AKAP1: variants seen among roughly 807,000 people sequenced by gnomAD.
The protein encoded by AKAP1 is A-kinase anchoring protein 1, also known as A-kinase anchor protein 1, mitochondrial.
Under a neutral mutation model 79.8 loss-of-function variants are expected in AKAP1, and 32 were observed. The observed-to-expected ratio is 0.40, with a 90% CI of 0.30 to 0.54. AKAP1 has a LOEUF of 0.54. Among genes scored for constraint, AKAP1 ranks in the 20% least tolerant of loss-of-function variants. The pLI is 0.47. For synonymous variants in AKAP1, 416 were observed against 466.7 expected (o/e 0.89, Z 1.40); for missense variants, 961 against 1,138.9 (o/e 0.84, Z 2.25).
chr17:57,104,052 T>G (rs1332880992), intron 1 of AKAP1, among the ~76,000 whole-genome samples: 1 of 152,026 alleles, frequency 6.6e-6, no homozygotes, highest in Admixed American at 6.6e-5. Flanking sequence ...TCCACCCCCC[T>G]GGATTCAAGC....
At chr17:57,105,113 CT>C (rs899994332) in intron 1 of AKAP1, among the ~76,000 whole-genome samples, 14 of 152,170 alleles carry the variant, frequency 9.2e-5, no homozygotes, top group African/African-American at 2.9e-4. Flanking sequence ...GAGCTAGCCC[CT>C]TTTTGGGGAA....
chr17:57,108,228 A>G (rs1033327172), intron 2 of AKAP1, among the ~76,000 whole-genome samples: 1 of 152,074 alleles, frequency 6.6e-6, no homozygotes, highest in Admixed American at 6.5e-5. Context: ...TTTCAGCAGC[A>G]TCTAGTTTGT....
intron 1 of AKAP1, among the ~76,000 whole-genome samples, chr17:57,087,403 A>G (rs768999578): frequency 1.5e-4 from 23 of 152,336 alleles, no homozygotes; most frequent in South Asian, 1.2e-3. Flanking sequence ...GCTGAAGTCG[A>G]TATGTCTCCA....
chr17:57,104,050 C>G (rs530624612), intron 1 of AKAP1, among the ~76,000 whole-genome samples: 2 of 151,906 alleles, frequency 1.3e-5, no homozygotes, highest in African/African-American at 4.8e-5. Context: ...CCTCCACCCC[C>G]CTGGATTCAA....
chr17:57,087,838 CT>C (rs1428072471), intron 1 of AKAP1, among the ~76,000 whole-genome samples: 3 of 152,214 alleles, frequency 2.0e-5, no homozygotes, highest in African/African-American at 7.2e-5. Context: ...CATTTCAGGG[CT>C]TTGAAGAGCA....
At chr17:57,101,173 T>C (rs1914483893) in intron 1 of AKAP1, among the ~76,000 whole-genome samples, 1 of 152,224 alleles carries the variant, frequency 6.6e-6, no homozygotes. Flanking sequence ...TTACCACTTT[T>C]TTGGGTGTGG....
Position 57,116,136 on chromosome 17 carries a change from T to C in AKAP1, c.2307T>C (p.Gly769=). 2 of 1,613,716 alleles carry C rather than the reference T, an allele frequency of 1.2e-6. No individual in the cohort carries two copies. Among genetic ancestry groups the C allele is most frequent in the Non-Finnish European group, 1.7e-6 (2 of 1,180,008 alleles). ...VEITVICAAP[G]ADGAWWRAQV... is the part of the protein sequence containing the mutation. ...TAACGGTCATCTGTGCCGCCCCTGG[T>C]GCGGACGGGGCCTGGTGGCGAGCCC... Residue 769 remains glycine, a synonymous_variant, in exon 7 of 11, where the codon GGT becomes GGC. Coordinates refer to ENST00000337714, the MANE Select transcript of AKAP1 (RefSeq NM_003488.4).
chr17:57,106,559 C>T lies in AKAP1; in HGVS notation c.1095C>T (p.Ala365=), dbSNP rs748563800. The T allele has an allele frequency of 6.2e-7, 1 of 1,614,188 alleles. No homozygotes were observed. The highest frequency in any genetic ancestry group is 8.5e-7 in the Non-Finnish European group (1 of 1,180,034). The part of the protein sequence containing the change: ...VISEATEQVL[A]TTVGKVAGRV... ...CAGAAGCAACCGAACAGGTGCTGGC[C>T]ACCACGGTTGGCAAGGTTGCAGGTC... Residue 365 remains alanine, a synonymous_variant, in exon 2 of 11, where the codon GCC becomes GCT. Coordinates refer to ENST00000337714, the MANE Select transcript of AKAP1 (RefSeq NM_003488.4).
chr17:57,111,467 G>C (rs559419834), intron 3 of AKAP1, among the ~76,000 whole-genome samples: 25 of 152,336 alleles, frequency 1.6e-4, no homozygotes, highest in Non-Finnish European at 2.6e-4. Flanking sequence ...TTCCGGGTCT[G>C]GGCCACATTG....
chr17:57,111,235 G>T (rs1005688748), intron 3 of AKAP1, among the ~76,000 whole-genome samples: 1 of 152,222 alleles, frequency 6.6e-6, no homozygotes, highest in Non-Finnish European at 1.5e-5. Flanking sequence ...GAACTCTGGC[G>T]CACTGGGCAC....
chr17:57,114,310 T>G, intron 5 of AKAP1, 149 bp from the exon 6 acceptor site: 1 of 939,774 alleles, frequency 1.1e-6, no homozygotes, highest in Non-Finnish European at 1.6e-6. Context: ...AAGTAGTCCT[T>G]CAACCTCTAC....
At position 57,086,772 on chromosome 17, in the gene AKAP1, T is replaced by A. The variant is rs551414084; in HGVS notation, c.-25+1374T>A. On this transcript the variant is annotated intron_variant, in intron 1 of 10. Transcript: ENST00000337714. The surrounding 1 kb of genome is among the most constrained non-coding windows in gnomAD (Gnocchi z 5.1). ...TAGTAGCCTTACAAGCTCTTGTAAC[T>A]GCTAAGTCCTTCCCAAATTAGTACC... Among the ~76,000 whole-genome samples the A allele has an allele frequency of 2.0e-5, 3 of 150,036 alleles. No individual in the cohort carries two copies. Among genetic ancestry groups the A allele is most frequent in the African/African-American group, 7.3e-5 (3 of 40,970 alleles).
Position 57,116,868 on chromosome 17 carries a change from T to C in AKAP1, c.2441T>C (p.Phe814Ser), listed in dbSNP as rs745773135. 1 of 1,614,170 alleles carries C rather than the reference T, an allele frequency of 6.2e-7. No individual in the cohort carries two copies. The highest frequency in any genetic ancestry group is 8.5e-7 in the Non-Finnish European group (1 of 1,179,998). The change falls in exon 8 of 11, where the codon TTT becomes TCT. Residue 814 changes from phenylalanine to serine, a missense_variant. Phe to Ser is a radical substitution (Grantham distance 155, BLOSUM62 -2). Transcript: ENST00000337714. The stretch of plus-strand genomic sequence containing the variant: ...CTTTCTTGCCTTCCCAGGTCTGACT[T>C]TGTCACCCTGCCGTTTCAGGGAGCA... ...VDVLRQIRSDFVTLPFQGAEV... is the reference protein window; with the variant it reads ...VDVLRQIRSDSVTLPFQGAEV...
At chr17:57,116,052 G>A in intron 6 of AKAP1, 59 bp from the exon 7 acceptor site, 1 of 1,579,090 alleles carries the variant, frequency 6.3e-7, no homozygotes, top group Non-Finnish European at 8.6e-7. Flanking sequence ...GTGGCCAGGT[G>A]GCCCTTGGTG....
chr17:57,100,132 A>G (rs955178790), intron 1 of AKAP1, among the ~76,000 whole-genome samples: 5 of 152,164 alleles, frequency 3.3e-5, no homozygotes, highest in Admixed American at 1.3e-4. Flanking sequence ...TATGTAAAAT[A>G]AGGAGAACTA....
chr17:57,116,959 G>T (rs370284176), intron 8 of AKAP1, 32 bp downstream of exon 8: 5 of 1,596,566 alleles, frequency 3.1e-6, no homozygotes, highest in Admixed American at 1.7e-5. Context: ...TTGGGGGATT[G>T]TTGGGGACAG....
In AKAP1 at chr17:57,120,569, TTA is replaced by T; in HGVS notation, c.*246_*247del. Reference sequence around the variant, plus strand: ...CTGGCTTATGCTGGTTCTCAGCTGTTTAAAAAAAAAAAAAAAAAGGAATAGAA... The same window carrying T: ...CTGGCTTATGCTGGTTCTCAGCTGTTAAAAAAAAAAAAAAAAGGAATAGAA... On this transcript the variant is annotated 3_prime_UTR_variant, in exon 11 of 11. Coordinates refer to ENST00000337714, the MANE Select transcript of AKAP1 (RefSeq NM_003488.4). The T allele has an allele frequency of 6.5e-6, 2 of 306,212 alleles. No homozygotes were observed. Among genetic ancestry groups the T allele is most frequent in the Non-Finnish European group, 1.2e-5 (2 of 171,134 alleles). The allele number at this position is 306,212 out of a possible 1,614,324, so 19.0% of individuals were successfully genotyped here. A position where few individuals can be genotyped will look rare whatever the true frequency, so the allele number is the denominator to read the frequency against.
intron 1 of AKAP1, among the ~76,000 whole-genome samples, chr17:57,097,234 C>T (rs550080618): frequency 4.1e-4 from 59 of 143,904 alleles, no homozygotes; most frequent in South Asian, 2.6e-3. Flanking sequence ...GAAATCCTGG[C>T]CCTCTTTGAG....
chr17:57,116,334 A>G, intron 7 of AKAP1, 73 bp downstream of exon 7: 1 of 1,582,756 alleles, frequency 6.3e-7, no homozygotes, highest in Non-Finnish European at 8.6e-7. Flanking sequence ...TGGCTGGCTC[A>G]GTTGTGCCAG....
Sources: gnomAD v4.1 joint callset for allele counts (sites outside exome capture counted in the v4.1 genomes callset) on GRCh38, gnomAD v4.1.1 for gene constraint, Gnocchi (gnomAD v3.1) non-coding constraint, MANE v1.5 for transcripts, NCBI Gene and HGNC (gene_info 2026-07-23, HGNC 2026-07-21) for gene names.